LRRTM4: variants seen among roughly 807,000 people sequenced by gnomAD.
LRRTM4 encodes leucine rich repeat transmembrane neuronal 4.
LRRTM4 carries 25 observed loss-of-function variants against 47.6 expected under a neutral mutation model. That is an observed-to-expected ratio of 0.53 (90% CI 0.38 to 0.73). The LOEUF (loss-of-function observed/expected upper bound fraction) is 0.73. Ranked by LOEUF, LRRTM4 falls within the 30% of genes least tolerant of loss-of-function variation. LRRTM4 has a pLI of 0.00. For synonymous variants in LRRTM4, 311 were observed against 269.5 expected (o/e 1.15, Z -1.51); for missense variants, 638 against 713.4 (o/e 0.89, Z 1.20).
At chr2:76,981,806 T>C (rs888917447) in intron 3 of LRRTM4, among the ~76,000 whole-genome samples, 1 of 151,990 alleles carries the variant, frequency 6.6e-6, no homozygotes, top group African/African-American at 2.4e-5. Flanking sequence ...TCTTTTTTTT[T>C]AAATCTATTA....
chr2:76,782,324 A>G lies in LRRTM4; in HGVS notation c.1552-33408T>C, dbSNP rs551348809. 2.6e-5 allele frequency among the ~76,000 whole-genome samples: 4 copies of G among 152,328 alleles called. No individual in the cohort carries two copies. In the East Asian group the frequency reaches 7.7e-4, roughly 29 times the overall value. ...AGCTACAGATCTAAATCTACAGTACATATCAAGCAATTCAGCTTTTTCTTG... is the reference window on the plus strand; with the variant it reads ...AGCTACAGATCTAAATCTACAGTACGTATCAAGCAATTCAGCTTTTTCTTG... On this transcript the variant is annotated intron_variant, in intron 3 of 3. Coordinates refer to ENST00000409884, the MANE Select transcript of LRRTM4 (RefSeq NM_001134745.3).
chr2:77,489,080 A>G (rs183426469), intron 3 of LRRTM4, among the ~76,000 whole-genome samples: 2 of 152,234 alleles, frequency 1.3e-5, no homozygotes, highest in African/African-American at 2.4e-5. Context: ...AAAACCTACT[A>G]TTTTATCTAA....
At chr2:77,172,007 G>C (rs1237392062) in intron 3 of LRRTM4, among the ~76,000 whole-genome samples, 1 of 152,156 alleles carries the variant, frequency 6.6e-6, no homozygotes, top group Non-Finnish European at 1.5e-5. Context: ...ATCTCACATA[G>C]TGTCGCTGCG....
chr2:76,830,939 T>C (rs1671333289), intron 3 of LRRTM4, among the ~76,000 whole-genome samples: 1 of 152,076 alleles, frequency 6.6e-6, no homozygotes, highest in Admixed American at 6.6e-5. Context: ...CTTCAAATTA[T>C]GGTCATTTTT....
chr2:76,797,098 TCAGGAAATA>T (rs1417967223), intron 3 of LRRTM4, among the ~76,000 whole-genome samples: 1 of 151,922 alleles, frequency 6.6e-6, no homozygotes, highest in Non-Finnish European at 1.5e-5. Context: ...ACGTTCAGAT[TCAGGAAATA>T]CAGAGAATGC....
At chr2:77,015,200 G>C (rs1318594822) in intron 3 of LRRTM4, among the ~76,000 whole-genome samples, 2 of 152,106 alleles carry the variant, frequency 1.3e-5, no homozygotes, top group Non-Finnish European at 2.9e-5. Flanking sequence ...GCCTACCCTA[G>C]AGATTTCAGA....
intron 3 of LRRTM4, among the ~76,000 whole-genome samples, chr2:77,212,313 C>G (rs1265312003): frequency 2.7e-5 from 4 of 150,808 alleles, no homozygotes; most frequent in African/African-American, 7.3e-5. Context: ...TAAATTAATA[C>G]AAAGTGGTTT....
intron 3 of LRRTM4, among the ~76,000 whole-genome samples, chr2:77,441,593 T>A (rs1675844331): frequency 6.6e-6 from 1 of 152,202 alleles, no homozygotes; most frequent in African/African-American, 2.4e-5. Context: ...AATAAGCTTA[T>A]CTGGCCTGAG....
At chr2:76,807,421 T>TACAC (rs1558667326) in intron 3 of LRRTM4, among the ~76,000 whole-genome samples, 1,138 of 70,102 alleles carry the variant, frequency 0.016, 28 homozygotes, top group African/African-American at 0.06. Context: ...TATATATATA[T>TACAC]ATACATATAT....
chr2:77,439,100 A>G (rs1675729240), intron 3 of LRRTM4, among the ~76,000 whole-genome samples: 1 of 152,216 alleles, frequency 6.6e-6, no homozygotes, highest in African/African-American at 2.4e-5. Context: ...TGTAAAGCTC[A>G]GAACCATCAG....
chr2:77,388,872 T>G (rs1197922820), intron 3 of LRRTM4, among the ~76,000 whole-genome samples: 2 of 152,082 alleles, frequency 1.3e-5, no homozygotes, highest in African/African-American at 2.4e-5. Flanking sequence ...TATATATTTT[T>G]ACTTTAAAGT....
At chr2:76,918,988 G>T (rs1674344540) in intron 3 of LRRTM4, among the ~76,000 whole-genome samples, 1 of 152,160 alleles carries the variant, frequency 6.6e-6, no homozygotes, top group South Asian at 2.1e-4. Flanking sequence ...AAAGGATATA[G>T]ATTAAAATCA....
chr2:77,357,468 T>C (rs1232998838), intron 3 of LRRTM4, among the ~76,000 whole-genome samples: 1 of 152,172 alleles, frequency 6.6e-6, no homozygotes, highest in African/African-American at 2.4e-5. Flanking sequence ...ATATTCCTGG[T>C]CCTCCTGAAT....
intron 3 of LRRTM4, among the ~76,000 whole-genome samples, chr2:77,090,097 C>A (rs13394186): frequency 0.43 from 65,284 of 151,746 alleles, 17,089 homozygotes; most frequent in African/African-American, 0.72. Flanking sequence ...ATTCTTCCTC[C>A]GCCTCTGCTC....
intron 3 of LRRTM4, among the ~76,000 whole-genome samples, chr2:77,303,133 T>C (rs761125257): frequency 2.6e-5 from 4 of 152,020 alleles, no homozygotes; most frequent in Non-Finnish European, 5.9e-5. Context: ...CAGAAAAATC[T>C]TCCTCAAATA....
chr2:76,986,484 T>G (rs150019491), intron 3 of LRRTM4, among the ~76,000 whole-genome samples: 1 of 151,964 alleles, frequency 6.6e-6, no homozygotes, highest in South Asian at 2.1e-4. Flanking sequence ...TCTTCTCTTC[T>G]GCAAAGAAAC....
At chr2:77,307,971 T>G (rs1330702716) in intron 3 of LRRTM4, among the ~76,000 whole-genome samples, 6 of 112,966 alleles carry the variant, frequency 5.3e-5, no homozygotes, top group Non-Finnish European at 9.8e-5. Flanking sequence ...ATCTATATAT[T>G]ATAGAAATAT....
intron 3 of LRRTM4, among the ~76,000 whole-genome samples, chr2:76,814,610 T>C (rs999958811): frequency 9.9e-5 from 15 of 152,118 alleles, no homozygotes; most frequent in Non-Finnish European, 2.1e-4. Flanking sequence ...GTATTATAAG[T>C]AATTGGAGAT....
chr2:76,999,084 T>C (rs558493711), intron 3 of LRRTM4, among the ~76,000 whole-genome samples: 33 of 152,198 alleles, frequency 2.2e-4, no homozygotes, highest in African/African-American at 7.7e-4. Flanking sequence ...GTTGTTACTG[T>C]TGTTGTGTGT....
Sources: gnomAD v4.1 joint callset for allele counts (sites outside exome capture counted in the v4.1 genomes callset) on GRCh38, gnomAD v4.1.1 for gene constraint, MANE v1.5 for transcripts, NCBI Gene and HGNC (gene_info 2026-07-23, HGNC 2026-07-21) for gene names.